The following ADAMTSL1 variants were observed in gnomAD, a reference collection of about 807,000 sequenced individuals.
The protein encoded by ADAMTSL1 is ADAMTS-like protein 1.
A neutral mutation model predicts 201.8 loss-of-function variants in ADAMTSL1; 126 were observed. That is an observed-to-expected ratio of 0.62 (90% confidence interval 0.54 to 0.72). The LOEUF (loss-of-function observed/expected upper bound fraction) is 0.72, where lower values mean the gene tolerates loss of function less well. ADAMTSL1 is among the 30% of genes least tolerant of loss of function. The pLI is 0.00. For synonymous variants in ADAMTSL1, 1,121 were observed against 903.4 expected (o/e 1.24, Z -4.32); for missense variants, 2,679 against 2,277.8 (o/e 1.18, Z -3.59).
At chr9:18,051,738 CTT>C (rs1449504874) in intron 1 of ADAMTSL1, among the ~76,000 whole-genome samples, 3 of 152,166 alleles carry the variant, frequency 2.0e-5, no homozygotes, top group African/African-American at 7.2e-5. Flanking sequence ...AGAAGAGTGA[CTT>C]TGTCAGAATT....
At chr9:18,173,926 C>G (rs546540050) in intron 2 of ADAMTSL1, among the ~76,000 whole-genome samples, 1 of 152,108 alleles carries the variant, frequency 6.6e-6, no homozygotes, top group African/African-American at 2.4e-5. Flanking sequence ...TTTTTTTCTT[C>G]AGGTTAGTAT....
At position 18,293,545 on chromosome 9, in the gene ADAMTSL1, A is replaced by G. The variant is rs1833357485; in HGVS notation, c.207+129564A>G. ...TGCCAAGCTCAGCGGAGAATACCGA[A>G]AGGTATGCATAAAGAGTGAAAAAAG... On this transcript the variant is annotated intron_variant, in intron 2 of 29. Coordinates refer to the ADAMTSL1 transcript ENST00000680146. 2.0e-5 allele frequency among the ~76,000 whole-genome samples: 3 copies of G among 152,216 alleles called. No individual in the cohort carries two copies. In the South Asian group the frequency reaches 6.2e-4, roughly 32 times the overall value.
intron 2 of ADAMTSL1, among the ~76,000 whole-genome samples, chr9:18,321,317 CATATT>C (rs575627790): frequency 3.1e-4 from 47 of 152,198 alleles, no homozygotes; most frequent in African/African-American, 1.1e-3. Flanking sequence ...CAAAAACTGA[CATATT>C]AAAGGGAGAA....
intron 3 of ADAMTSL1, among the ~76,000 whole-genome samples, chr9:18,552,984 G>A (rs1170001245): frequency 6.6e-6 from 1 of 150,460 alleles, no homozygotes; most frequent in Non-Finnish European, 1.5e-5. Flanking sequence ...TGTCACTATG[G>A]TTACTGATAA....
chr9:18,799,994 T>C (rs1363951340), intron 20 of ADAMTSL1, among the ~76,000 whole-genome samples: 2 of 151,652 alleles, frequency 1.3e-5, no homozygotes, highest in Non-Finnish European at 2.9e-5. Context: ...CAAAGGAGAG[T>C]TTTGCTTCAT....
At chr9:18,499,987 C>G (rs1202590901) in intron 1 of ADAMTSL1, among the ~76,000 whole-genome samples, 1 of 152,164 alleles carries the variant, frequency 6.6e-6, no homozygotes, top group Non-Finnish European at 1.5e-5. Context: ...AAATATAACT[C>G]TAGTCTTTTA....
intron 4 of ADAMTSL1, among the ~76,000 whole-genome samples, chr9:18,576,895 T>C (rs1822770723): frequency 1.3e-5 from 2 of 152,132 alleles, no homozygotes; most frequent in South Asian, 4.1e-4. Context: ...ATGAGGAAAC[T>C]GGAGGCTCAG....
chr9:18,052,808 G>A (rs1563971591), intron 1 of ADAMTSL1, among the ~76,000 whole-genome samples: 3 of 151,960 alleles, frequency 2.0e-5, no homozygotes, highest in African/African-American at 7.3e-5. Flanking sequence ...GGGGTGACAT[G>A]TTTTTGGAAA....
chr9:18,134,303 C>G (rs1376303822), intron 1 of ADAMTSL1, among the ~76,000 whole-genome samples: 1 of 152,080 alleles, frequency 6.6e-6, no homozygotes, highest in South Asian at 2.1e-4. Flanking sequence ...TCTGCAGAGG[C>G]AAGTTTGTTG....
rs113543603 is a variant in ADAMTSL1, at chr9:18,610,905, A to G, written c.475-11338A>G. 2.5e-3 allele frequency among the ~76,000 whole-genome samples: 374 copies of G among 152,294 alleles called. 4 individuals carry two copies. Among genetic ancestry groups the G allele is most frequent in the African/African-American group, 8.7e-3 (362 of 41,562 alleles). On this transcript the variant is annotated intron_variant, in intron 4 of 28. Coordinates refer to ENST00000380548, the MANE Select transcript of ADAMTSL1 (RefSeq NM_001040272.6). ...GTGTAGAATTTTGTTTAAATTATGG[A>G]CCATATCTGGAATTTAAAACTCTTT...
chr9:18,019,462 T>C (rs1820392543), intron 1 of ADAMTSL1, among the ~76,000 whole-genome samples: 1 of 152,046 alleles, frequency 6.6e-6, no homozygotes, highest in South Asian at 2.1e-4. Context: ...CTCAGAGAGA[T>C]CAAAGGTAAT....
chr9:17,970,500 C>A (rs1818163999), intron 1 of ADAMTSL1, among the ~76,000 whole-genome samples: 1 of 151,926 alleles, frequency 6.6e-6, no homozygotes, highest in Admixed American at 6.6e-5. Flanking sequence ...ACAGCTTGAC[C>A]CTTCTTTCTT....
intron 2 of ADAMTSL1, among the ~76,000 whole-genome samples, chr9:18,451,396 G>A (rs188450038): frequency 1.5e-3 from 233 of 152,268 alleles, no homozygotes; most frequent in Non-Finnish European, 2.4e-3. Flanking sequence ...TTTTATACCT[G>A]CAAATTGAAC....
intron 1 of ADAMTSL1, among the ~76,000 whole-genome samples, chr9:18,030,369 G>A (rs1820895561): frequency 1.3e-5 from 2 of 152,070 alleles, no homozygotes; most frequent in African/African-American, 4.8e-5. Context: ...GACACAGGAA[G>A]GGGAACATCA....
chr9:18,553,295 T>A (rs1820906504), intron 3 of ADAMTSL1, among the ~76,000 whole-genome samples: 1 of 150,902 alleles, frequency 6.6e-6, no homozygotes, highest in South Asian at 2.1e-4. Flanking sequence ...TTTTTACTAA[T>A]TACCCTAACT....
At chr9:18,172,863 A>AT (rs1001277129) in intron 2 of ADAMTSL1, among the ~76,000 whole-genome samples, 2 of 152,128 alleles carry the variant, frequency 1.3e-5, no homozygotes, top group Admixed American at 6.5e-5. Context: ...ACATGGCATC[A>AT]TTTTTTGCCA....
chr9:18,623,587 A>T (rs1466675104), intron 5 of ADAMTSL1, among the ~76,000 whole-genome samples: 2 of 152,184 alleles, frequency 1.3e-5, no homozygotes. Flanking sequence ...TCCTGCTAGG[A>T]TAGATGGTAC....
At chr9:18,120,109 C>T (rs941392341) in intron 1 of ADAMTSL1, among the ~76,000 whole-genome samples, 1 of 152,164 alleles carries the variant, frequency 6.6e-6, no homozygotes, top group African/African-American at 2.4e-5. Context: ...CAGGCTCTCT[C>T]TAGGGTTACA....
intron 1 of ADAMTSL1, among the ~76,000 whole-genome samples, chr9:18,031,154 T>C (rs1820936272): frequency 6.6e-6 from 1 of 152,350 alleles, no homozygotes; most frequent in Non-Finnish European, 1.5e-5. Flanking sequence ...TCTATGTCTA[T>C]GCTTCAGACA....
Sources: gnomAD v4.1 joint callset for allele counts (sites outside exome capture counted in the v4.1 genomes callset) on GRCh38, gnomAD v4.1.1 for gene constraint, MANE v1.5 for transcripts, NCBI Gene and HGNC (gene_info 2026-07-23, HGNC 2026-07-21) for gene names.